Variants in SERPINI2 observed in about 807,000 individuals in gnomAD.
SERPINI2 encodes the protein serpin family I member 2, also known as serpin I2.
SERPINI2 carries 48 observed loss-of-function variants against 47.3 expected under a neutral mutation model. That is an observed-to-expected ratio of 1.02 (90% CI 0.81 to 1.29). SERPINI2 has a LOEUF of 1.29. Ranked by LOEUF, SERPINI2 falls within the 50% of genes most tolerant of loss-of-function variation. The pLI is 0.00. For synonymous variants in SERPINI2, 135 were observed against 149.3 expected (o/e 0.90, Z 0.70); for missense variants, 448 against 456.9 (o/e 0.98, Z 0.18).
At chr3:167,446,733 T>A (rs1416276507) in intron 7 of SERPINI2, 1 of 236,820 alleles carries the variant, frequency 4.2e-6, no homozygotes, top group African/African-American at 2.3e-5. Flanking sequence ...GCAAGCCAGA[T>A]ACCAGATTCA....
intron 5 of SERPINI2, among the ~76,000 whole-genome samples, chr3:167,459,057 A>G (rs923586085): frequency 5.3e-5 from 8 of 151,634 alleles, no homozygotes; most frequent in African/African-American, 7.3e-5. Flanking sequence ...TAGATTCTTC[A>G]ACCAAAGGAA....
intron 7 of SERPINI2, among the ~76,000 whole-genome samples, chr3:167,447,306 G>GTA (rs998728430): frequency 6.6e-6 from 1 of 152,038 alleles, no homozygotes; most frequent in African/African-American, 2.4e-5. Flanking sequence ...AATATCAAGG[G>GTA]TATACCTAAA....
At chr3:167,475,310 A>T (rs1437332143), upstream of SERPINI2, among the ~76,000 whole-genome samples, 1 of 151,842 alleles carries the variant, frequency 6.6e-6, no homozygotes, top group Non-Finnish European at 1.5e-5. Flanking sequence ...GAATGTCAAG[A>T]CTATCATTCA....
chr3:167,466,185 G>A (rs1480945961), intron 3 of SERPINI2, among the ~76,000 whole-genome samples: 2 of 152,110 alleles, frequency 1.3e-5, no homozygotes, highest in Non-Finnish European at 2.9e-5. Flanking sequence ...TGTCCAGTGA[G>A]TTTTTCCAAG....
At chr3:167,461,239 A>T (rs1257260390) in intron 5 of SERPINI2, among the ~76,000 whole-genome samples, 1 of 152,102 alleles carries the variant, frequency 6.6e-6, no homozygotes, top group Non-Finnish European at 1.5e-5. Flanking sequence ...TGATCTTTTT[A>T]ACAAAAAAAA....
intron 7 of SERPINI2, among the ~76,000 whole-genome samples, chr3:167,447,651 G>A (rs1749518164): frequency 6.6e-6 from 1 of 152,116 alleles, no homozygotes; most frequent in Admixed American, 6.6e-5. Flanking sequence ...ATGGCCTCAG[G>A]TAAGCCACTT....
rs1452708610 is a variant in SERPINI2 at position 167,443,099 on chromosome 3, T to TTTTTG, written c.1142-919_1142-915dup. Among the ~76,000 whole-genome samples, 50 of 152,294 alleles carry TTTTTG rather than the reference T, an allele frequency of 3.3e-4. No homozygotes were observed. In the East Asian group the frequency reaches 7.0e-3, roughly 21 times the overall value. On this transcript the variant is annotated intron_variant, in intron 8 of 8. Transcript: ENST00000264677. Reference sequence around the variant, plus strand: ...AAACTCCAGCAGATTTTATTTTATTTTTTTGTTTTGTTTTGTTTTGTTTTC... The same window carrying TTTTTG: ...AAACTCCAGCAGATTTTATTTTATTTTTTTGTTTTGTTTTGTTTTGTTTTGTTTTC...
chr3:167,467,268 G>A, exon 3 of SERPINI2: 2 of 1,609,352 alleles, frequency 1.2e-6, no homozygotes, highest in Non-Finnish European at 1.7e-6. Context: ...AATGACTTCA[G>A]TACAAAAAAT....
intron 5 of SERPINI2, among the ~76,000 whole-genome samples, chr3:167,459,296 G>C (rs891153375): frequency 6.6e-5 from 10 of 151,772 alleles, no homozygotes; most frequent in African/African-American, 2.4e-4. Context: ...GGATGGTCTC[G>C]ATCTCCTGAC....
intron 6 of SERPINI2, among the ~76,000 whole-genome samples, chr3:167,451,537 C>T (rs1749640495): frequency 1.3e-5 from 2 of 152,288 alleles, no homozygotes; most frequent in South Asian, 2.1e-4. Context: ...GGCAATAAGA[C>T]GGAACCAAAA....
chr3:167,467,833 A>G (rs148015784), intron 2 of SERPINI2, among the ~76,000 whole-genome samples: 1 of 152,306 alleles, frequency 6.6e-6, no homozygotes, highest in African/African-American at 2.4e-5. Context: ...AAGAATCAGA[A>G]TTGCCTATTT....
rs1199965093 is a variant in SERPINI2 at position 167,467,771 on chromosome 3, A to C, written c.248-486T>G. ...TTCTCTTATAAGCAACTGCACCTGTACAGGTTTTAAATTTTACAAGGCAAC... is the reference window on the plus strand; with the variant it reads ...TTCTCTTATAAGCAACTGCACCTGTCCAGGTTTTAAATTTTACAAGGCAAC... On this transcript the variant is annotated intron_variant, in intron 2 of 8. Transcript: ENST00000264677. 3.3e-5 allele frequency among the ~76,000 whole-genome samples: 5 copies of C among 152,156 alleles called. No individual in the cohort carries two copies. In the East Asian group the frequency reaches 9.6e-4, roughly 29 times the overall value.
At chr3:167,475,721 A>AT (rs1213231740), upstream of SERPINI2, among the ~76,000 whole-genome samples, 2 of 136,978 alleles carry the variant, frequency 1.5e-5, no homozygotes, top group Non-Finnish European at 3.1e-5. Context: ...CTCCTAGAAA[A>AT]TCGGGGTGGG....
intron 2 of SERPINI2, among the ~76,000 whole-genome samples, chr3:167,468,752 T>G (rs1750221090): frequency 6.6e-6 from 1 of 152,196 alleles, no homozygotes; most frequent in Non-Finnish European, 1.5e-5. Flanking sequence ...TAACCATTTA[T>G]TGCTATCTGA....
chr3:167,471,728 T>C, exon 2 of SERPINI2: 1 of 1,613,714 alleles, frequency 6.2e-7, no homozygotes, highest in Non-Finnish European at 8.5e-7. Context: ...TAAGGAAACC[T>C]CTTGATAAAG....
At chr3:167,455,069 T>C (rs759043308) in intron 5 of SERPINI2, among the ~76,000 whole-genome samples, 7 of 152,186 alleles carry the variant, frequency 4.6e-5, no homozygotes, top group Non-Finnish European at 1.0e-4. Context: ...TTGGTCAATA[T>C]ATATAATGTC....
intron 2 of SERPINI2, 73 bp from the exon 3 acceptor site, chr3:167,467,358 A>C: frequency 9.6e-7 from 1 of 1,037,498 alleles, no homozygotes; most frequent in East Asian, 2.5e-5. Flanking sequence ...TTTGCTATCT[A>C]AGTACTCTGA....
intron 6 of SERPINI2, among the ~76,000 whole-genome samples, chr3:167,452,611 C>G (rs1182208053): frequency 6.6e-6 from 1 of 150,570 alleles, no homozygotes; most frequent in Non-Finnish European, 1.5e-5. Flanking sequence ...ATGAGAGACT[C>G]AAAGTTGTAA....
upstream of SERPINI2, among the ~76,000 whole-genome samples, chr3:167,475,596 C>A (rs1392294564): frequency 1.3e-5 from 2 of 151,778 alleles, no homozygotes; most frequent in African/African-American, 4.8e-5. Flanking sequence ...TAAATTTATT[C>A]TCCCTGGTTT....
Sources: allele counts gnomAD v4.1 joint callset (sites outside exome capture counted in the v4.1 genomes callset), GRCh38; gene constraint gnomAD v4.1.1; transcripts MANE v1.5; gene names NCBI Gene and HGNC (gene_info 2026-07-23, HGNC 2026-07-21).